Variants in C3orf49 observed in about 807,000 individuals in gnomAD.
C3orf49 encodes putative uncharacterized protein C3orf49.
A neutral mutation model predicts 13.3 loss-of-function variants in C3orf49; 27 were observed. That is an observed-to-expected ratio of 2.02 (90% CI 1.49 to 2.79). The LOEUF (loss-of-function observed/expected upper bound fraction) is 2.79. Among genes scored for constraint, C3orf49 ranks in the 30% most tolerant of loss-of-function variants. C3orf49 has a pLI of 0.00. For synonymous variants in C3orf49, 87 were observed against 47.6 expected (o/e 1.83, Z -3.40); for missense variants, 242 against 134.2 (o/e 1.80, Z -3.97).
At chr3:63,836,387 T>C in intron 5 of C3orf49, 1 of 1,605,868 alleles carries the variant, frequency 6.2e-7, no homozygotes, top group Non-Finnish European at 8.5e-7. Flanking sequence ...TTTATCAAAC[T>C]AAGGATTTTT....
chr3:63,836,295 A>G, intron 5 of C3orf49: 1 of 1,611,968 alleles, frequency 6.2e-7, no homozygotes, highest in Non-Finnish European at 8.5e-7. Flanking sequence ...AAAGCTCTAC[A>G]CTTACTTTAA....
rs138914112 is a variant in C3orf49 at position 63,827,896 on chromosome 3, T to C, written c.570+171T>C. 2.0e-3 allele frequency among the ~76,000 whole-genome samples: 305 copies of C among 152,348 alleles called. 2 individuals are homozygous for C. The highest frequency in any genetic ancestry group is 7.0e-3 in the African/African-American group (291 of 41,588). ...GGGTACTCTCTGGGTCAGATTCTTCTACTTCTAAGCTCAAACTGTTCAGCT... is the reference window on the plus strand; with the variant it reads ...GGGTACTCTCTGGGTCAGATTCTTCCACTTCTAAGCTCAAACTGTTCAGCT... On this transcript the variant is annotated intron_variant, in intron 3 of 6. Coordinates refer to ENST00000295896, the MANE Select transcript of C3orf49 (RefSeq NM_001355236.2).
chr3:63,828,551 T>C (rs1163554590), intron 3 of C3orf49, among the ~76,000 whole-genome samples: 1 of 152,148 alleles, frequency 6.6e-6, no homozygotes. Flanking sequence ...CCACCTGCCT[T>C]GGTCTCCCAA....
chr3:63,839,822 A>G, intron 5 of C3orf49: 1 of 1,465,678 alleles, frequency 6.8e-7, no homozygotes, highest in Non-Finnish European at 9.5e-7. Context: ...GTAACTTTCA[A>G]GTACAAATAA....
At chr3:63,815,771 C>CTTTTT (rs1227837780), upstream of C3orf49, among the ~76,000 whole-genome samples, 99 of 136,560 alleles carry the variant, frequency 7.2e-4, 1 homozygote, top group African/African-American at 2.1e-3. Flanking sequence ...TCTTTTCTTT[C>CTTTTT]TTTTTTTTTT....
At chr3:63,785,059 C>CTTTTTTTTTTTTTTTTTTTTT in the C3orf49 span, among the ~76,000 whole-genome samples, 3 of 116,214 alleles carry the variant, frequency 2.6e-5, no homozygotes, top group South Asian at 3.5e-4. Flanking sequence ...GACTTCTCTT[C>CTTTTTTTTTTTTTTTTTTTTT]TTCTTCTTTT....
At chr3:63,794,890 T>C in the C3orf49 span, among the ~76,000 whole-genome samples, 1 of 152,100 alleles carries the variant, frequency 6.6e-6, no homozygotes, top group Non-Finnish European at 1.5e-5. Context: ...AAACCCTAAC[T>C]TTCCATACCT....
the C3orf49 span, chr3:63,782,891 G>A: frequency 5.3e-5 from 8 of 152,198 alleles, no homozygotes; most frequent in African/African-American, 1.7e-4. Flanking sequence ...CACATGCAAA[G>A]GAGAAGGTGT....
chr3:63,812,570 T>C, the C3orf49 span, among the ~76,000 whole-genome samples: 1 of 152,238 alleles, frequency 6.6e-6, no homozygotes, highest in African/African-American at 2.4e-5. Context: ...ATACCTATCA[T>C]TTATCCTTAT....
chr3:63,830,770 A>G (rs1701522085), intron 3 of C3orf49, among the ~76,000 whole-genome samples: 1 of 152,148 alleles, frequency 6.6e-6, no homozygotes, highest in Non-Finnish European at 1.5e-5. Context: ...ACTGGTCCAC[A>G]ACGGCCCCAC....
chr3:63,803,257 C>T, the C3orf49 span, among the ~76,000 whole-genome samples: 8 of 152,106 alleles, frequency 5.3e-5, no homozygotes, highest in Non-Finnish European at 2.9e-5. Context: ...TGTCTTTTGC[C>T]GTGTGCCTTG....
chr3:63,808,387 G>T, the C3orf49 span, among the ~76,000 whole-genome samples: 1 of 152,148 alleles, frequency 6.6e-6, no homozygotes, highest in East Asian at 1.9e-4. Flanking sequence ...GTGGTGTCAG[G>T]AAATTACTCA....
chr3:63,833,074 A>G (rs1215861900), intron 5 of C3orf49, among the ~76,000 whole-genome samples: 1 of 151,822 alleles, frequency 6.6e-6, no homozygotes, highest in East Asian at 1.9e-4. Context: ...TAAAAAGATT[A>G]TAAATTCTTT....
chr3:63,817,679 T>C (rs1701340851), upstream of C3orf49, among the ~76,000 whole-genome samples: 1 of 152,076 alleles, frequency 6.6e-6, no homozygotes, highest in African/African-American at 2.4e-5. Flanking sequence ...CCCTTCCCAC[T>C]CCTTCTAGTT....
At chr3:63,786,950 T>C in the C3orf49 span, among the ~76,000 whole-genome samples, 1 of 152,096 alleles carries the variant, frequency 6.6e-6, no homozygotes, top group African/African-American at 2.4e-5. Flanking sequence ...ACCAGAAAAA[T>C]CCAGGGCAAA....
chr3:63,838,128 C>G lies in C3orf49; in HGVS notation c.849+6284C>G, dbSNP rs559010509. 16 of 1,427,760 alleles carry G rather than the reference C, an allele frequency of 1.1e-5. No individual in the cohort carries two copies. In the African/African-American group the frequency reaches 2.2e-4, roughly 20 times the overall value. 88.4% of individuals were successfully genotyped at this position (1,427,760 alleles called of 1,614,324 possible). On this transcript the variant is annotated intron_variant, in intron 5 of 6. Transcript: ENST00000295896. ...CAATAATCCATTTTTAATTTTAAAA[C>G]GCATTTATAAATTAACCTCTATTGG...
At chr3:63,791,161 G>T in the C3orf49 span, among the ~76,000 whole-genome samples, 6 of 152,292 alleles carry the variant, frequency 3.9e-5, no homozygotes, top group South Asian at 1.2e-3. Context: ...AGAATGGGGT[G>T]CACCACACAA....
the C3orf49 span, among the ~76,000 whole-genome samples, chr3:63,800,258 C>G: frequency 2.0e-5 from 3 of 152,122 alleles, no homozygotes; most frequent in Non-Finnish European, 4.4e-5. Flanking sequence ...TCCTCTGGGT[C>G]GTTGGCCGCT....
the C3orf49 span, among the ~76,000 whole-genome samples, chr3:63,789,810 CAAAA>C: frequency 1.2e-4 from 6 of 49,662 alleles, no homozygotes; most frequent in African/African-American, 4.7e-4. Context: ...GACTCTGTCT[CAAAA>C]AAAAAAAAAA....
Sources: gnomAD v4.1 joint callset for allele counts (sites outside exome capture counted in the v4.1 genomes callset) on GRCh38, gnomAD v4.1.1 for gene constraint, MANE v1.5 for transcripts, NCBI Gene and HGNC (gene_info 2026-07-23, HGNC 2026-07-21) for gene names.